Variants in HARS2 observed in about 807,000 individuals in gnomAD.
HARS2 encodes histidine--tRNA ligase, mitochondrial.
HARS2 carries 40 observed loss-of-function variants against 62.4 expected under a neutral mutation model. The ratio of observed to expected loss-of-function variants is 0.64; its 90% CI spans 0.50 to 0.83. HARS2 has a LOEUF of 0.83. Ranked by LOEUF, HARS2 falls within the 40% of genes least tolerant of loss-of-function variation. The pLI, the probability that HARS2 is intolerant of heterozygous loss-of-function variation, is 0.00. For missense variants in HARS2, 569 were observed against 626.4 expected (o/e 0.91, Z 0.98); for synonymous variants, 228 against 227.0 (o/e 1.00, Z -0.04).
At chr5:140,695,428 G>GTTGATATAA in intron 4 of HARS2, 80 bp from the exon 5 acceptor site, 1 of 1,556,548 alleles carries the variant, frequency 6.4e-7, no homozygotes, top group Non-Finnish European at 8.9e-7. Context: ...ATGAGATCCA[G>GTTGATATAA]GCCCAGTCCT....
intron 2 of HARS2, 97 bp from the exon 3 acceptor site, chr5:140,693,838 C>T (rs1759640110): frequency 1.4e-6 from 2 of 1,426,460 alleles, no homozygotes; most frequent in East Asian, 4.5e-5. Flanking sequence ...ATTTCAGCTC[C>T]AGACCTGAGA....
Position 140,694,191 on chromosome 5 carries a change from C to G in HARS2, c.310C>G (p.Leu104Val). Residue 104 changes from leucine to valine, a missense_variant, in exon 4 of 13, where the codon CTG becomes GTG. Transcript: ENST00000230771. ...DTPAFELKET[L>V]TEKYGEDSGL... is the part of the protein sequence containing the mutation. Reference sequence around the variant, plus strand: ...TTCTGTTTGACCCCTATAGGAAACCCTGACTGAGAAGTATGGAGAGGACTC... The same window carrying G: ...TTCTGTTTGACCCCTATAGGAAACCGTGACTGAGAAGTATGGAGAGGACTC... 1 of 1,612,844 alleles carries G rather than the reference C, an allele frequency of 6.2e-7. No individual in the cohort carries two copies. Among genetic ancestry groups the G allele is most frequent in the Non-Finnish European group, 8.5e-7 (1 of 1,178,816 alleles).
At chr5:140,695,915 C>A in intron 6 of HARS2, 70 bp downstream of exon 6, 2 of 1,201,836 alleles carry the variant, frequency 1.7e-6, no homozygotes, top group Non-Finnish European at 2.5e-6. Context: ...AAGTCCCAAA[C>A]TTGGGTGACT....
At chr5:140,698,442 G>C in intron 12 of HARS2, 51 bp from the exon 13 acceptor site, 2 of 1,268,476 alleles carry the variant, frequency 1.6e-6, no homozygotes, top group Non-Finnish European at 2.3e-6. Context: ...AGTGGCTAAG[G>C]AGTTAGTATC....
chr5:140,697,046 G>A lies in HARS2; in HGVS notation c.930G>A (p.Leu310=). 1 of 1,614,078 alleles carries A rather than the reference G, an allele frequency of 6.2e-7. No individual in the cohort carries two copies. Among genetic ancestry groups the A allele is most frequent in the Non-Finnish European group, 8.5e-7 (1 of 1,180,030 alleles). Residue 310 remains leucine (L), a synonymous_variant, in exon 9 of 13, where the codon CTG becomes CTA. Coordinates refer to ENST00000230771, the MANE Select transcript of HARS2 (RefSeq NM_012208.4). ...LGDLKLLFEY[L]TLFGIADKIS... is the part of the protein sequence containing the mutation. Reference sequence around the variant, plus strand: ...ACCTAAAGCTGCTATTTGAATACCTGACTTTATTTGGAATTGCTGATAAGG... The same window carrying A: ...ACCTAAAGCTGCTATTTGAATACCTAACTTTATTTGGAATTGCTGATAAGG...
intron 1 of HARS2, chr5:140,692,042 C>G (rs1327877517): frequency 4.4e-6 from 2 of 451,108 alleles, no homozygotes; most frequent in Non-Finnish European, 8.0e-6. Context: ...TAATTCATAT[C>G]CACACTTTTT....
At chr5:140,697,119 G>A (rs1486074229) in intron 9 of HARS2, 45 bp from the exon 10 acceptor site, 2 of 1,613,878 alleles carry the variant, frequency 1.2e-6, no homozygotes, top group East Asian at 2.2e-5. Context: ...GGGCTCTCAG[G>A]GTCCCGAGTC....
chr5:140,696,148 G>A lies in HARS2; in HGVS notation c.679G>A (p.Val227Ile), dbSNP rs770162488. The change falls in exon 7 of 13, where the codon GTT becomes ATT. Residue 227 changes from valine to isoleucine, a missense_variant. By Grantham distance (29) the Val-to-Ile change is conservative (BLOSUM62 3). Coordinates refer to ENST00000230771, the MANE Select transcript of HARS2 (RefSeq NM_012208.4). ...GGATGGGATGTTTGCTGTCTGTGGT[G>A]TTCCTGAAAGCAAGTTCCGTGCCAT... ...IVDGMFAVCG[V>I]PESKFRAICS... 3 of 1,613,990 alleles carry A rather than the reference G, an allele frequency of 1.9e-6. No homozygotes were observed. In the South Asian group the frequency reaches 3.3e-5, roughly 18 times the overall value.
chr5:140,694,891 A>G (rs1189138177), intron 4 of HARS2, among the ~76,000 whole-genome samples: 1 of 152,196 alleles, frequency 6.6e-6, no homozygotes, highest in Non-Finnish European at 1.5e-5. Flanking sequence ...GGTTGCAGTG[A>G]GCCGAGATTG....
In HARS2 at chr5:140,696,193, C is replaced by CTA. The variant is rs760381410; in HGVS notation, c.725_726dup (p.Asp243Ter). ...TGCCATCTGCTCCTCCATAGATAAA[C>CTA]TAGACAAGGTAACAAAGAAGACATA... On this transcript the variant is annotated frameshift_variant, in exon 7 of 13. Coordinates refer to ENST00000230771, the MANE Select transcript of HARS2 (RefSeq NM_012208.4). LOFTEE classifies it high-confidence loss of function. 16 of 1,605,694 alleles carry CTA rather than the reference C, an allele frequency of 1.0e-5. No homozygotes were observed. The highest frequency in any genetic ancestry group is 1.4e-5 in the Non-Finnish European group (16 of 1,172,416).
At chr5:140,692,577 C>A (rs1256869452) in intron 1 of HARS2, among the ~76,000 whole-genome samples, 3 of 152,186 alleles carry the variant, frequency 2.0e-5, no homozygotes, top group African/African-American at 4.8e-5. Context: ...AACCTGATAA[C>A]CAGTGCTACC....
chr5:140,693,902 T>C, intron 2 of HARS2, 33 bp from the exon 3 acceptor site: 1 of 1,613,838 alleles, frequency 6.2e-7, no homozygotes, highest in Non-Finnish European at 8.5e-7. Context: ...ATTTTTTGTT[T>C]TTGTTTTCAC....
At position 140,696,946 on chromosome 5, in the gene HARS2, G is replaced by C; in HGVS notation, c.830G>C (p.Gly277Ala). Residue 277 changes from glycine (G) to alanine (A), a missense_variant, in exon 9 of 13, where the codon GGG (glycine) becomes GCG (alanine). Coordinates refer to ENST00000230771, the MANE Select transcript of HARS2 (RefSeq NM_012208.4). ...CAGAGACTTTATTTCTCTCCAGGTG[G>C]GGTATCCCTAGTAGAGCAAATGTTT... ...RIGDYVQCHG[G>A]VSLVEQMFQD... 6.2e-7 allele frequency: 1 copy of C among 1,613,236 alleles called. No individual in the cohort carries two copies. Among genetic ancestry groups the C allele is most frequent in the Non-Finnish European group, 8.5e-7 (1 of 1,179,782 alleles).
rs1308347228 is a variant in HARS2, at chr5:140,694,168, C to T, written c.304-17C>T. On this transcript the variant is annotated splice_polypyrimidine_tract_variant and intron_variant, in intron 3 of 12. Transcript: ENST00000230771. ...GTCATGCTTTCAACTGTGGCTCATTCTGTTTGACCCCTATAGGAAACCCTG... is the reference window on the plus strand; with the variant it reads ...GTCATGCTTTCAACTGTGGCTCATTTTGTTTGACCCCTATAGGAAACCCTG... 19 of 1,605,454 alleles carry T rather than the reference C, an allele frequency of 1.2e-5. No homozygotes were observed. The highest frequency in any genetic ancestry group is 1.5e-5 in the Non-Finnish European group (17 of 1,172,084).
chr5:140,697,764 G>C (rs546295202), intron 11 of HARS2, 79 bp downstream of exon 11: 1 of 1,302,496 alleles, frequency 7.7e-7, no homozygotes, highest in South Asian at 1.2e-5. Context: ...TTATGTCTGG[G>C]GTGGAACTCA....
intron 12 of HARS2, 116 bp downstream of exon 12, chr5:140,698,194 T>C (rs1581554828): frequency 8.6e-6 from 9 of 1,045,942 alleles, no homozygotes; most frequent in South Asian, 1.4e-5. Flanking sequence ...GTGGTAGAGA[T>C]GAACAAACAC....
chr5:140,693,892 A>AT (rs752936667), intron 2 of HARS2, 43 bp from the exon 3 acceptor site: 2 of 1,612,210 alleles, frequency 1.2e-6, no homozygotes, highest in Admixed American at 3.3e-5. Flanking sequence ...AAATGGACTT[A>AT]TTTTTTGTTT....
rs754367751 is a variant in HARS2 at position 140,695,557 on chromosome 5, G to A, written c.449G>A (p.Arg150His). ...ATGAATAAGGTGAAGAAGATGAAAC[G>A]TTATCATGTTGGAAAGGTGTGGCGG... is the stretch of plus-strand genomic sequence containing the variant. ...LAMNKVKKMK[R>H]YHVGKVWRRE... is the part of the protein sequence containing the mutation. Residue 150 changes from arginine (R) to histidine (H), a missense_variant, in exon 5 of 13, where the codon CGT becomes CAT. Arg to His is a conservative substitution (Grantham distance 29). Coordinates refer to ENST00000230771, the MANE Select transcript of HARS2 (RefSeq NM_012208.4). 55 of 1,614,020 alleles carry A rather than the reference G, an allele frequency of 3.4e-5. No individual in the cohort carries two copies. Among genetic ancestry groups the A allele is most frequent in the Non-Finnish European group, 4.2e-5 (49 of 1,180,030 alleles).
Position 140,699,003 on chromosome 5 carries a change from A to C in HARS2, c.*451A>C. 1 of 272,852 alleles carries C rather than the reference A, an allele frequency of 3.7e-6. No homozygotes were observed. The highest frequency in any genetic ancestry group is 7.2e-6 in the Non-Finnish European group (1 of 139,368). 16.9% of individuals were successfully genotyped at this position (272,852 alleles called of 1,614,324 possible). A position where few individuals can be genotyped will look rare whatever the true frequency, so the allele number is the denominator to read the frequency against. On this transcript the variant is annotated 3_prime_UTR_variant, in exon 13 of 13. Transcript: ENST00000230771. ...GGCCTGTCTGGGGAGTTTTTGGAAG[A>C]CAGCAAAGAGGGGCAATGGCTGCTT...
Sources: gnomAD v4.1 joint callset for allele counts (sites outside exome capture counted in the v4.1 genomes callset) on GRCh38, gnomAD v4.1.1 for gene constraint, MANE v1.5 for transcripts, NCBI Gene and HGNC (gene_info 2026-07-23, HGNC 2026-07-21) for gene names.